The following MYO16 variants were observed in gnomAD, a reference collection of about 807,000 sequenced individuals.
MYO16 encodes the protein unconventional myosin-XVI.
Under a neutral mutation model 205.3 loss-of-function variants are expected in MYO16, and 94 were observed. The observed-to-expected ratio is 0.46, with a 90% CI of 0.39 to 0.54. MYO16 has a LOEUF of 0.54. Ranked by LOEUF, MYO16 falls within the 20% of genes least tolerant of loss-of-function variation. The probability of loss-of-function intolerance (pLI) is 0.00; values close to 1 mark genes in which losing one functional copy is unlikely to be tolerated. For missense variants in MYO16, 2,315 were observed against 2,387.5 expected (o/e 0.97, Z 0.63); for synonymous variants, 988 against 954.0 (o/e 1.04, Z -0.66).
intron 27 of MYO16, among the ~76,000 whole-genome samples, chr13:109,069,060 A>T (rs1343592066): frequency 6.6e-6 from 1 of 152,186 alleles, no homozygotes; most frequent in Non-Finnish European, 1.5e-5. Flanking sequence ...GGGATCCTGT[A>T]ACCAGAATAA....
intron 1 of MYO16, among the ~76,000 whole-genome samples, chr13:108,651,956 T>A (rs1010033515): frequency 6.6e-6 from 1 of 151,970 alleles, no homozygotes; most frequent in African/African-American, 2.4e-5. Context: ...GGAGGGGTTA[T>A]TTTTTTTAGG....
intron 10 of MYO16, among the ~76,000 whole-genome samples, chr13:108,851,863 A>G (rs1877888609): frequency 6.6e-6 from 1 of 151,870 alleles, no homozygotes. Flanking sequence ...ACTTTCACTA[A>G]TTCCTGGAAT....
At chr13:108,911,066 C>CAG (rs1555311803) in intron 16 of MYO16, among the ~76,000 whole-genome samples, 107 of 143,118 alleles carry the variant, frequency 7.5e-4, no homozygotes, top group African/African-American at 1.4e-3. Flanking sequence ...CACACACACA[C>CAG]AGAGAGAGAG....
At chr13:108,668,675 C>T (rs1200398821) in intron 2 of MYO16, among the ~76,000 whole-genome samples, 2 of 152,148 alleles carry the variant, frequency 1.3e-5, no homozygotes, top group Non-Finnish European at 2.9e-5. Context: ...TTCAGTTTGC[C>T]TGTTTCTTTG....
chr13:109,121,755 A>G (rs1339693386), intron 29 of MYO16, among the ~76,000 whole-genome samples: 1 of 152,130 alleles, frequency 6.6e-6, no homozygotes, highest in Non-Finnish European at 1.5e-5. Flanking sequence ...GCCACATACC[A>G]AGATCTCTGG....
intron 16 of MYO16, among the ~76,000 whole-genome samples, chr13:108,915,898 C>T (rs1027089001): frequency 1.3e-5 from 2 of 152,150 alleles, no homozygotes; most frequent in Admixed American, 1.3e-4. Flanking sequence ...CGCGCTTGAA[C>T]TTGTGATCCT....
chr13:109,022,316 T>TATATACAA lies in MYO16; in HGVS notation c.2796+2411_2796+2418dup, dbSNP rs1404079618. On this transcript the variant is annotated intron_variant, in intron 23 of 34. Coordinates refer to ENST00000457511, the MANE Select transcript of MYO16 (RefSeq NM_001198950.3). ...AATATACAAATATATATTTATATAT[T>TATATACAA]ATATACAAATATATATTTATATATT... 3.5e-3 allele frequency among the ~76,000 whole-genome samples: 18 copies of TATATACAA among 5,176 alleles called. 2 individuals carry two copies. The South Asian group carries it at 0.05, about 14-fold the overall frequency. The allele number at this position is 5,176 out of a possible 152,430, so 3.4% of individuals were successfully genotyped here.
chr13:108,961,638 C>T lies in MYO16; in HGVS notation c.2137C>T (p.Leu713Phe). The part of the protein sequence containing the change: ...NEGNSAFVSD[L>F]QLLEQVAGML... ...GGGGAACTCCGCCTTCGTTTCTGACCTCCAGCTCCTGGAACAAGGTCAGTG... is the reference window on the plus strand; with the variant it reads ...GGGGAACTCCGCCTTCGTTTCTGACTTCCAGCTCCTGGAACAAGGTCAGTG... Residue 713 changes from leucine (L) to phenylalanine (F), a missense_variant, in exon 18 of 35, where the codon CTC becomes TTC. Around this residue, in one of 3 missense-constraint regions of MYO16, gnomAD observed 1,213 missense variants for 1,274.4 expected, o/e 0.95. Coordinates refer to ENST00000457511, the MANE Select transcript of MYO16 (RefSeq NM_001198950.3). 6.2e-7 allele frequency: 1 copy of T among 1,613,478 alleles called. No individual in the cohort carries two copies. Among genetic ancestry groups the T allele is most frequent in the Non-Finnish European group, 8.5e-7 (1 of 1,179,416 alleles).
the MYO16 span, among the ~76,000 whole-genome samples, chr13:108,529,756 G>T: frequency 6.6e-6 from 1 of 152,094 alleles, no homozygotes; most frequent in Admixed American, 6.5e-5. Context: ...TTAACCACAA[G>T]GGTTCTCATT....
At chr13:108,730,332 C>T (rs1884481492) in intron 4 of MYO16, among the ~76,000 whole-genome samples, 1 of 152,166 alleles carries the variant, frequency 6.6e-6, no homozygotes, top group African/African-American at 2.4e-5. Flanking sequence ...GAGGCCTCCC[C>T]AGCCATGCAG....
At chr13:108,615,315 G>A (rs1488309760) in intron 1 of MYO16, among the ~76,000 whole-genome samples, 1 of 152,048 alleles carries the variant, frequency 6.6e-6, no homozygotes, top group Non-Finnish European at 1.5e-5. Flanking sequence ...GTGCTGACAA[G>A]GATATGAAGA....
chr13:109,029,666 G>C (rs1886487408), intron 23 of MYO16, among the ~76,000 whole-genome samples: 1 of 152,090 alleles, frequency 6.6e-6, no homozygotes, highest in South Asian at 2.1e-4. Context: ...ATTTGACAAA[G>C]GTATTTTGAC....
intron 16 of MYO16, among the ~76,000 whole-genome samples, chr13:108,954,016 G>T (rs1883253892): frequency 6.6e-6 from 1 of 152,192 alleles, no homozygotes; most frequent in Non-Finnish European, 1.5e-5. Flanking sequence ...GTAGTTAACA[G>T]ACCTGTCTGC....
At chr13:108,884,274 G>A (rs1046395496) in intron 13 of MYO16, among the ~76,000 whole-genome samples, 1 of 152,196 alleles carries the variant, frequency 6.6e-6, no homozygotes. Flanking sequence ...TTCTATGGAG[G>A]GTGGAGGGAC....
the MYO16 span, among the ~76,000 whole-genome samples, chr13:108,518,776 G>T: frequency 1.3e-5 from 2 of 152,132 alleles, no homozygotes; most frequent in Non-Finnish European, 2.9e-5. Flanking sequence ...TCTTAGTGTG[G>T]TCTGCTGTAT....
chr13:108,964,003 C>T (rs186102187), intron 19 of MYO16, among the ~76,000 whole-genome samples: 8 of 152,300 alleles, frequency 5.3e-5, no homozygotes, highest in East Asian at 3.9e-4. Flanking sequence ...CTTCCTCACC[C>T]GTGCTTCTAA....
chr13:108,648,869 G>A (rs1880871485), intron 1 of MYO16, among the ~76,000 whole-genome samples: 1 of 152,152 alleles, frequency 6.6e-6, no homozygotes, highest in East Asian at 1.9e-4. Flanking sequence ...TGGATCAGGG[G>A]TCAGGGGATT....
chr13:109,166,497 T>A (rs1445505808), intron 33 of MYO16: 1 of 152,180 alleles, frequency 6.6e-6, no homozygotes. Flanking sequence ...AGGAGGATGA[T>A]TGAAGTCTTA....
At chr13:109,023,704 T>TATATATGC (rs1566468395) in intron 23 of MYO16, among the ~76,000 whole-genome samples, 3 of 104,378 alleles carry the variant, frequency 2.9e-5, no homozygotes, top group Non-Finnish European at 5.9e-5. Flanking sequence ...TGTATATATG[T>TATATATGC]ATATATACAA....
Sources: allele counts gnomAD v4.1 joint callset (sites outside exome capture counted in the v4.1 genomes callset), GRCh38; gene constraint gnomAD v4.1.1; regional missense constraint gnomAD v4.1.1; transcripts MANE v1.5; gene names NCBI Gene and HGNC (gene_info 2026-07-23, HGNC 2026-07-21).